The following NREP variants were observed in gnomAD, a reference collection of about 807,000 sequenced individuals.
NREP encodes the protein neuronal regeneration related protein.
NREP carries 5 observed loss-of-function variants against 8.6 expected under a neutral mutation model. That is an observed-to-expected ratio of 0.58 (90% CI 0.30 to 1.22). The LOEUF (loss-of-function observed/expected upper bound fraction) is 1.22, where lower values mean the gene tolerates loss of function less well. Ranked by LOEUF, NREP falls within the 50% of genes most tolerant of loss-of-function variation. The probability of loss-of-function intolerance (pLI) is 0.07; values close to 1 mark genes in which losing one functional copy is unlikely to be tolerated. For synonymous variants in NREP, 27 were observed against 28.0 expected (o/e 0.96, Z 0.11); for missense variants, 86 against 82.5 (o/e 1.04, Z -0.17).
chr5:111,735,500 T>G lies in NREP; in HGVS notation c.11A>C (p.Tyr4Ser). 6.2e-7 allele frequency: 1 copy of G among 1,611,272 alleles called. No homozygotes were observed. The highest frequency in any genetic ancestry group is 1.1e-5 in the South Asian group (1 of 90,980). ...ACTGACCCAGACAAAGAGTTCTGGG[T>G]AATAAACCTATAGAGACACAAAAGC... MVYYPELFVWVSQE... is the reference protein window; with the variant it reads MVYSPELFVWVSQE... Residue 4 changes from tyrosine to serine, a missense_variant, in exon 3 of 4, where the codon TAC becomes TCC. Coordinates refer to ENST00000257435, the MANE Select transcript of NREP (RefSeq NM_004772.4).
chr5:111,804,611 G>A (rs1384616790), intron 2 of NREP, among the ~76,000 whole-genome samples: 2 of 152,054 alleles, frequency 1.3e-5, no homozygotes, highest in Admixed American at 6.6e-5. Context: ...GGTAAATTGG[G>A]AGACATATTT....
At chr5:111,966,505 T>A (rs1756647413) in intron 2 of NREP, among the ~76,000 whole-genome samples, 1 of 152,180 alleles carries the variant, frequency 6.6e-6, no homozygotes, top group Non-Finnish European at 1.5e-5. Flanking sequence ...TAATAAGATC[T>A]CTTGCTGCTG....
At chr5:111,852,372 T>C (rs1581165987) in intron 2 of NREP, among the ~76,000 whole-genome samples, 1 of 152,132 alleles carries the variant, frequency 6.6e-6, no homozygotes, top group South Asian at 2.1e-4. Context: ...TTCTAGTGTA[T>C]GTGAGGTCCC....
intron 2 of NREP, among the ~76,000 whole-genome samples, chr5:111,889,180 G>A (rs749764573): frequency 6.6e-6 from 1 of 152,208 alleles, no homozygotes; most frequent in Non-Finnish European, 1.5e-5. Context: ...CATACTGCTG[G>A]TGTCTGCTTC....
chr5:111,791,700 T>C (rs572977941), intron 2 of NREP, among the ~76,000 whole-genome samples: 23 of 152,340 alleles, frequency 1.5e-4, no homozygotes, highest in Admixed American at 1.1e-3. Flanking sequence ...CTCAAACTCC[T>C]GGGCTCAAGC....
At chr5:111,957,000 A>AAATAAAT (rs1756342782) in intron 2 of NREP, among the ~76,000 whole-genome samples, 2 of 99,870 alleles carry the variant, frequency 2.0e-5, no homozygotes, top group Non-Finnish European at 4.8e-5. Flanking sequence ...AATAAATAAA[A>AAATAAAT]TGCCAGTTAA....
intron 2 of NREP, among the ~76,000 whole-genome samples, chr5:111,799,749 T>C (rs1270021486): frequency 2.0e-5 from 3 of 152,216 alleles, no homozygotes; most frequent in Non-Finnish European, 4.4e-5. Flanking sequence ...TAATTCTGAA[T>C]CAGGCAAAGG....
At chr5:111,769,828 C>A (rs977524649) in intron 2 of NREP, among the ~76,000 whole-genome samples, 1 of 152,130 alleles carries the variant, frequency 6.6e-6, no homozygotes, top group Non-Finnish European at 1.5e-5. Context: ...AAGGGGGAAA[C>A]CTACTTCCAT....
intron 2 of NREP, among the ~76,000 whole-genome samples, chr5:111,790,081 A>C (rs1215953242): frequency 6.6e-6 from 1 of 152,154 alleles, no homozygotes; most frequent in Non-Finnish European, 1.5e-5. Flanking sequence ...TAAAATAAAG[A>C]CTATGTTGAT....
At chr5:111,893,892 G>T (rs980697066) in intron 2 of NREP, among the ~76,000 whole-genome samples, 9 of 151,866 alleles carry the variant, frequency 5.9e-5, no homozygotes, top group Non-Finnish European at 1.3e-4. Flanking sequence ...ACTATGAATT[G>T]CTTTATTTTG....
intron 2 of NREP, among the ~76,000 whole-genome samples, chr5:111,945,977 G>A (rs1755967822): frequency 6.6e-6 from 1 of 151,492 alleles, no homozygotes; most frequent in African/African-American, 2.4e-5. Flanking sequence ...GCAGACCCAG[G>A]ACACATTGCC....
intron 1 of NREP, 169 bp from the exon 2 acceptor site, chr5:111,755,999 T>C (rs1750680132): frequency 7.1e-7 from 1 of 1,407,094 alleles, no homozygotes; most frequent in Admixed American, 2.7e-5. Flanking sequence ...CCAAGTGGCC[T>C]ATAGGCTTAA....
chr5:111,824,221 T>C lies in NREP; in HGVS notation c.136-88714A>G, dbSNP rs532551979. ...CCGTCTCTACTAAAAATACAAAAATTAGCCTGGCGTAGTGGTGGGCACCTG... is the reference window on the plus strand; with the variant it reads ...CCGTCTCTACTAAAAATACAAAAATCAGCCTGGCGTAGTGGTGGGCACCTG... On this transcript the variant is annotated intron_variant, in intron 2 of 3. Coordinates refer to the NREP transcript ENST00000395634. 2.6e-5 allele frequency among the ~76,000 whole-genome samples: 4 copies of C among 152,142 alleles called. No individual in the cohort carries two copies. The South Asian group carries it at 8.3e-4, about 32-fold the overall frequency.
intron 2 of NREP, among the ~76,000 whole-genome samples, chr5:111,921,945 T>A (rs1289147390): frequency 6.6e-6 from 1 of 152,068 alleles, no homozygotes; most frequent in Non-Finnish European, 1.5e-5. Context: ...AAGAAGTACA[T>A]TTCACCCCCT....
At chr5:111,819,754 A>T (rs1292580633) in intron 2 of NREP, among the ~76,000 whole-genome samples, 3 of 152,202 alleles carry the variant, frequency 2.0e-5, no homozygotes, top group African/African-American at 7.2e-5. Context: ...ACTTACAAGC[A>T]ATAGCATTAT....
intron 2 of NREP, among the ~76,000 whole-genome samples, chr5:111,842,758 A>T (rs1236382194): frequency 6.6e-6 from 1 of 152,144 alleles, no homozygotes; most frequent in Non-Finnish European, 1.5e-5. Context: ...GGCAAGTTCA[A>T]TGGTAATGAA....
chr5:111,917,574 TA>T (rs1375130617), intron 2 of NREP, among the ~76,000 whole-genome samples: 1 of 152,166 alleles, frequency 6.6e-6, no homozygotes, highest in Non-Finnish European at 1.5e-5. Flanking sequence ...TCAATAAATG[TA>T]ATCCATCACA....
intron 2 of NREP, among the ~76,000 whole-genome samples, chr5:111,787,638 T>C (rs1410600109): frequency 6.6e-6 from 1 of 152,134 alleles, no homozygotes; most frequent in Non-Finnish European, 1.5e-5. Flanking sequence ...AAATCAGGCA[T>C]GTAGTTAAAG....
chr5:111,785,115 T>C (rs569414656), intron 2 of NREP, among the ~76,000 whole-genome samples: 249 of 152,272 alleles, frequency 1.6e-3, no homozygotes, highest in African/African-American at 5.8e-3. Context: ...GAAGAGGAAG[T>C]CTTCCAAGCG....
Sources: gnomAD v4.1 joint callset for allele counts (sites outside exome capture counted in the v4.1 genomes callset) on GRCh38, gnomAD v4.1.1 for gene constraint, MANE v1.5 for transcripts, NCBI Gene and HGNC (gene_info 2026-07-23, HGNC 2026-07-21) for gene names.